The following CCDC122 variants were observed in gnomAD, a reference collection of about 807,000 sequenced individuals.
The protein encoded by CCDC122 is coiled-coil domain containing 122, also known as coiled-coil domain-containing protein 122.
CCDC122 carries 38 observed loss-of-function variants against 37.0 expected under a neutral mutation model. That is an observed-to-expected ratio of 1.03 (90% CI 0.79 to 1.35). CCDC122 has a LOEUF of 1.35. Ranked by LOEUF, CCDC122 falls within the 40% of genes most tolerant of loss-of-function variation. The pLI is 0.00. For missense variants in CCDC122, 305 were observed against 310.0 expected (o/e 0.98, Z 0.12); for synonymous variants, 83 against 95.6 (o/e 0.87, Z 0.77).
chr13:43,860,463 T>C (rs1307618766), intron 4 of CCDC122, among the ~76,000 whole-genome samples: 2 of 152,192 alleles, frequency 1.3e-5, no homozygotes, highest in Non-Finnish European at 2.9e-5. Context: ...AGCACACTTA[T>C]TGCTATTTAC....
chr13:43,839,397 G>T (rs1953270872), intron 6 of CCDC122, among the ~76,000 whole-genome samples: 1 of 152,100 alleles, frequency 6.6e-6, no homozygotes, highest in South Asian at 2.1e-4. Flanking sequence ...CTTTTAAAGG[G>T]TCTATGGCAT....
intron 6 of CCDC122, among the ~76,000 whole-genome samples, chr13:43,848,329 A>C (rs1953612880): frequency 6.6e-6 from 1 of 152,252 alleles, no homozygotes; most frequent in Non-Finnish European, 1.5e-5. Flanking sequence ...GTTATGCCAA[A>C]GCATTGCTTG....
chr13:43,819,189 G>A (rs575665860), downstream of CCDC122, among the ~76,000 whole-genome samples: 4 of 152,142 alleles, frequency 2.6e-5, no homozygotes, highest in Admixed American at 1.3e-4. Context: ...AATGTACAGC[G>A]ATGGTAAGGC....
chr13:43,820,597 G>A (rs1952986142), downstream of CCDC122, among the ~76,000 whole-genome samples: 1 of 152,088 alleles, frequency 6.6e-6, no homozygotes, highest in Non-Finnish European at 1.5e-5. Context: ...AGGGAATCTG[G>A]CTTATTACCT....
intron 4 of CCDC122, among the ~76,000 whole-genome samples, chr13:43,861,406 C>T (rs653066): frequency 0.97 from 147,457 of 152,160 alleles, 71,615 homozygotes; most frequent in East Asian, 1. Context: ...GGATGAAAAA[C>T]TGGGACCAAA....
intron 6 of CCDC122, among the ~76,000 whole-genome samples, chr13:43,839,781 T>C (rs1413773690): frequency 6.6e-6 from 1 of 152,234 alleles, no homozygotes; most frequent in Non-Finnish European, 1.5e-5. Flanking sequence ...ATCTATGTTT[T>C]TGGTCATGGC....
At chr13:43,848,561 C>CT (rs1953622520) in intron 6 of CCDC122, 1 of 154,316 alleles carries the variant, frequency 6.5e-6, no homozygotes, top group Non-Finnish European at 1.4e-5. Flanking sequence ...TCCACTCTAT[C>CT]TTTAGTTCCT....
Position 43,869,440 on chromosome 13 carries a change from T to C in CCDC122, c.-64A>G. 7.8e-7 allele frequency: 1 copy of C among 1,277,996 alleles called. No homozygotes were observed. The highest frequency in any genetic ancestry group is 2.4e-5 in the East Asian group (1 of 42,374). The allele number at this position is 1,277,996 out of a possible 1,614,324, so 79.2% of individuals were successfully genotyped here. A position where few individuals can be genotyped will look rare whatever the true frequency, so the allele number is the denominator to read the frequency against. On this transcript the variant is annotated 5_prime_UTR_variant, in exon 3 of 7. It adds an upstream start codon to the 5' untranslated region. Transcript: ENST00000444614. ...CCTTCTTTACTCCTACTCAATAATC[T>C]ATATTGATAATCTTTCACTTTTGTT...
chr13:43,867,460 C>T (rs1954310688), intron 4 of CCDC122, among the ~76,000 whole-genome samples: 1 of 152,064 alleles, frequency 6.6e-6, no homozygotes, highest in Non-Finnish European at 1.5e-5. Flanking sequence ...CCTAATCATT[C>T]AGATGAACTC....
intron 6 of CCDC122, 121 bp downstream of exon 6, chr13:43,858,660 T>C: frequency 1.5e-6 from 1 of 662,472 alleles, no homozygotes; most frequent in Non-Finnish European, 2.1e-6. Flanking sequence ...CTAAATTTTA[T>C]AGTTCTTTCT....
chr13:43,848,099 CT>C (rs1953603829), intron 6 of CCDC122, among the ~76,000 whole-genome samples: 1 of 152,100 alleles, frequency 6.6e-6, no homozygotes, highest in Non-Finnish European at 1.5e-5. Context: ...ATAGGACTGG[CT>C]TTCTAGTTGT....
chr13:43,860,799 C>T (rs1265994147), intron 4 of CCDC122, among the ~76,000 whole-genome samples: 3 of 152,058 alleles, frequency 2.0e-5, no homozygotes, highest in Admixed American at 2.0e-4. Flanking sequence ...ACATATCTGC[C>T]GATGATTCAC....
intron 4 of CCDC122, among the ~76,000 whole-genome samples, chr13:43,861,655 C>T (rs1328497896): frequency 1.3e-5 from 2 of 152,066 alleles, no homozygotes; most frequent in African/African-American, 4.8e-5. Context: ...GTATCCTTTT[C>T]CTGGCAGAGA....
At chr13:43,821,703 T>C (rs1263163666), downstream of CCDC122, among the ~76,000 whole-genome samples, 1 of 152,230 alleles carries the variant, frequency 6.6e-6, no homozygotes, top group Non-Finnish European at 1.5e-5. Flanking sequence ...CCTCTGACTG[T>C]GTATTTTCAA....
chr13:43,842,712 T>C (rs1167261737), intron 6 of CCDC122, among the ~76,000 whole-genome samples: 2 of 152,090 alleles, frequency 1.3e-5, no homozygotes, highest in African/African-American at 4.8e-5. Flanking sequence ...GCAATTTTTA[T>C]TGTAGTTTTG....
chr13:43,876,463 C>CA (rs768831750), intron 1 of CCDC122, among the ~76,000 whole-genome samples: 31 of 152,206 alleles, frequency 2.0e-4, no homozygotes, highest in Non-Finnish European at 3.5e-4. Context: ...GAAAGACACA[C>CA]AGTCAATTAA....
Position 43,837,209 on chromosome 13 carries a change from A to C in CCDC122, c.*71T>G. 2.1e-6 allele frequency: 3 copies of C among 1,435,626 alleles called. No individual in the cohort carries two copies. The highest frequency in any genetic ancestry group is 2.8e-6 in the Non-Finnish European group (3 of 1,057,550). 88.9% of individuals were successfully genotyped at this position (1,435,626 alleles called of 1,614,324 possible). On this transcript the variant is annotated 3_prime_UTR_variant, in exon 7 of 7. Coordinates refer to ENST00000444614, the MANE Select transcript of CCDC122 (RefSeq NM_144974.5). ...GGATGCTTGTTATTAAGAATCCAAA[A>C]GATTTTCTTAATGTTCTGTCCAGTA...
intron 2 of CCDC122, among the ~76,000 whole-genome samples, chr13:43,870,124 A>G (rs1954398908): frequency 6.6e-6 from 1 of 152,194 alleles, no homozygotes; most frequent in African/African-American, 2.4e-5. Context: ...AACAAAAAAG[A>G]AAAGCAAAGT....
downstream of CCDC122, among the ~76,000 whole-genome samples, chr13:43,820,298 T>C (rs1952984216): frequency 1.3e-5 from 2 of 152,170 alleles, no homozygotes; most frequent in Middle Eastern, 3.2e-3. Flanking sequence ...ATGCTGAGCT[T>C]GTGGTTTCTA....
Sources: gnomAD v4.1 joint callset for allele counts (sites outside exome capture counted in the v4.1 genomes callset) on GRCh38, gnomAD v4.1.1 for gene constraint, MANE v1.5 for transcripts, NCBI Gene and HGNC (gene_info 2026-07-23, HGNC 2026-07-21) for gene names.